Variants in NCOR1 observed in about 807,000 individuals in gnomAD.
NCOR1 encodes protein phosphatase 1, regulatory subunit 109.
A neutral mutation model predicts 288.1 loss-of-function variants in NCOR1; 63 were observed. That is an observed-to-expected ratio of 0.22 (90% CI 0.18 to 0.27). NCOR1 has a LOEUF of 0.27. NCOR1 is among the 10% of genes least tolerant of loss of function. NCOR1 has a pLI of 1.00. For missense variants in NCOR1, 2,397 were observed against 3,019.2 expected (o/e 0.79, Z 4.83); for synonymous variants, 1,007 against 1,065.9 (o/e 0.94, Z 1.08).
At chr17:16,043,441 A>C (rs2058098702) in intron 42 of NCOR1, among the ~76,000 whole-genome samples, 1 of 152,232 alleles carries the variant, frequency 6.6e-6, no homozygotes, top group South Asian at 2.1e-4. Context: ...CAATTCTGTT[A>C]GTACTTCCCT....
chr17:16,095,876 G>A (rs1254316388), intron 21 of NCOR1, among the ~76,000 whole-genome samples: 1 of 152,060 alleles, frequency 6.6e-6, no homozygotes. Flanking sequence ...CGGTTTTGTG[G>A]AATAGAAAAG....
intron 42 of NCOR1, chr17:16,044,430 C>A (rs561069968): frequency 4.2e-6 from 2 of 471,590 alleles, no homozygotes; most frequent in South Asian, 1.5e-5. Flanking sequence ...CCCCCACTTT[C>A]CTTTCTTTTG....
Position 16,065,659 on chromosome 17 carries a change from G to A in NCOR1, c.4777C>T (p.Pro1593Ser), listed in dbSNP as rs758454986. 3 of 1,614,206 alleles carry A rather than the reference G, an allele frequency of 1.9e-6. No individual in the cohort carries two copies. The highest frequency in any genetic ancestry group is 2.2e-5 in the East Asian group (1 of 44,888). The stretch of plus-strand genomic sequence containing the variant: ...TACTGACTTGGGTAACCTGGAGTTG[G>A]TGAAAGCTGTCTCTGAAACAGGTAA... ...AAYLFQRQLS[P>S]TPGYPSQYQL... Residue 1593 changes from proline (P) to serine (S), a missense_variant, in exon 33 of 46, where the codon CCA (proline) becomes TCA (serine). By Grantham distance (74) the Pro-to-Ser change is moderately conservative. Coordinates refer to ENST00000268712, the MANE Select transcript of NCOR1 (RefSeq NM_006311.4).
chr17:16,160,990 C>T (rs990573655), intron 5 of NCOR1, among the ~76,000 whole-genome samples: 5 of 151,978 alleles, frequency 3.3e-5, no homozygotes, highest in Admixed American at 1.3e-4. Flanking sequence ...GGAACACTTC[C>T]ACTTTGGAAT....
chr17:16,042,394 T>C (rs2057890261), intron 42 of NCOR1, among the ~76,000 whole-genome samples: 1 of 152,234 alleles, frequency 6.6e-6, no homozygotes, highest in Non-Finnish European at 1.5e-5. Context: ...GACAATTTCC[T>C]ATAAGTTAAC....
intron 3 of NCOR1, among the ~76,000 whole-genome samples, chr17:16,184,676 A>C (rs2086232045): frequency 6.6e-6 from 1 of 152,224 alleles, no homozygotes; most frequent in Non-Finnish European, 1.5e-5. Context: ...GCAATTAAAA[A>C]TAGAACTACC....
intron 3 of NCOR1, among the ~76,000 whole-genome samples, chr17:16,181,927 T>C (rs907610584): frequency 7.2e-5 from 11 of 152,106 alleles, no homozygotes; most frequent in Admixed American, 6.5e-4. Context: ...ATGGCAAAAG[T>C]ATGGGTAACA....
intron 14 of NCOR1, among the ~76,000 whole-genome samples, chr17:16,131,006 T>A (rs1323894070): frequency 1.4e-5 from 2 of 146,620 alleles, no homozygotes; most frequent in African/African-American, 5.0e-5. Flanking sequence ...TTTTTTTTTT[T>A]AAGACTGGAT....
chr17:16,044,756 T>A, intron 42 of NCOR1: 1 of 841,304 alleles, frequency 1.2e-6, no homozygotes, highest in East Asian at 2.5e-5. Context: ...TTGGTCCAGC[T>A]TGTTTGCAAT....
chr17:16,162,367 A>T (rs1465834214), intron 5 of NCOR1, among the ~76,000 whole-genome samples: 24 of 152,046 alleles, frequency 1.6e-4, no homozygotes, highest in Admixed American at 1.3e-3. Context: ...AAACTGTTAG[A>T]AAGGTTTTCT....
intron 15 of NCOR1, among the ~76,000 whole-genome samples, chr17:16,121,629 G>A (rs535264931): frequency 1.4e-4 from 21 of 152,246 alleles, no homozygotes; most frequent in African/African-American, 5.1e-4. Context: ...GAATTCTGGG[G>A]TTTTATTTGC....
intron 28 of NCOR1, among the ~76,000 whole-genome samples, chr17:16,073,110 T>C (rs1306516914): frequency 6.6e-6 from 1 of 152,238 alleles, no homozygotes; most frequent in Admixed American, 6.5e-5. Context: ...CTTTACCTTT[T>C]TTAACTCACT....
intron 19 of NCOR1, among the ~76,000 whole-genome samples, chr17:16,106,702 C>T (rs766168319): frequency 6.6e-6 from 1 of 151,534 alleles, no homozygotes; most frequent in Non-Finnish European, 1.5e-5. Context: ...ACATGAGCTG[C>T]ATTTATGTTC....
chr17:16,151,247 C>T (rs1437681303), intron 8 of NCOR1, among the ~76,000 whole-genome samples: 1 of 151,636 alleles, frequency 6.6e-6, no homozygotes, highest in Non-Finnish European at 1.5e-5. Context: ...TCTCTTACTT[C>T]AATCAGATCA....
At chr17:16,074,739 T>G (rs1263408839) in intron 27 of NCOR1, among the ~76,000 whole-genome samples, 2 of 151,066 alleles carry the variant, frequency 1.3e-5, no homozygotes, top group Non-Finnish European at 2.9e-5. Flanking sequence ...GAGTCATTCT[T>G]ATAAAATACT....
chr17:16,142,140 G>A (rs2077249636), intron 11 of NCOR1, among the ~76,000 whole-genome samples: 1 of 152,142 alleles, frequency 6.6e-6, no homozygotes, highest in East Asian at 1.9e-4. Context: ...AAAAGTACTG[G>A]CTAGGTTAAC....
intron 32 of NCOR1, among the ~76,000 whole-genome samples, chr17:16,066,628 A>C (rs908033968): frequency 3.9e-5 from 6 of 152,186 alleles, no homozygotes; most frequent in African/African-American, 1.4e-4. Flanking sequence ...GTTTTCTGGA[A>C]TATTTGCTTC....
intron 14 of NCOR1, among the ~76,000 whole-genome samples, chr17:16,136,430 G>A (rs772380437): frequency 5.3e-5 from 8 of 152,164 alleles, no homozygotes; most frequent in African/African-American, 1.4e-4. Context: ...GGGCTCAGGC[G>A]ATGCTCTGGC....
chr17:16,138,055 A>T, intron 13 of NCOR1, 103 bp downstream of exon 13: 2 of 860,906 alleles, frequency 2.3e-6, no homozygotes, highest in Non-Finnish European at 3.7e-6. Context: ...CAGTCTTTTT[A>T]AAATCGGTTC....
Sources: gnomAD v4.1 joint callset for allele counts (sites outside exome capture counted in the v4.1 genomes callset) on GRCh38, gnomAD v4.1.1 for gene constraint, MANE v1.5 for transcripts, NCBI Gene and HGNC (gene_info 2026-07-23, HGNC 2026-07-21) for gene names.